DNAH5: variants seen among roughly 807,000 people sequenced by gnomAD.
DNAH5 encodes dynein axonemal heavy chain 5.
A neutral mutation model predicts 518.2 loss-of-function variants in DNAH5; 372 were observed. The observed-to-expected ratio is 0.72, with a 90% CI of 0.66 to 0.78. The LOEUF (loss-of-function observed/expected upper bound fraction) is 0.78, where lower values mean the gene tolerates loss of function less well. DNAH5 is among the 30% of genes least tolerant of loss of function. DNAH5 has a pLI of 0.00. For missense variants in DNAH5, 5,523 were observed against 5,687.0 expected (o/e 0.97, Z 0.93); for synonymous variants, 2,039 against 2,025.9 (o/e 1.01, Z -0.17).
intron 76 of DNAH5, among the ~76,000 whole-genome samples, chr5:13,702,367 G>T (rs993807177): frequency 6.6e-6 from 1 of 152,278 alleles, no homozygotes; most frequent in South Asian, 2.1e-4. Flanking sequence ...TGAATAAAAT[G>T]ATCATAATTT....
At chr5:13,888,243 C>T (rs1382417182) in intron 17 of DNAH5, among the ~76,000 whole-genome samples, 5 of 152,162 alleles carry the variant, frequency 3.3e-5, no homozygotes, top group Admixed American at 2.6e-4. Flanking sequence ...GAAACCAAGC[C>T]TACCCCTTTC....
intron 34 of DNAH5, among the ~76,000 whole-genome samples, chr5:13,840,027 C>T (rs925534942): frequency 6.6e-6 from 1 of 152,180 alleles, no homozygotes; most frequent in African/African-American, 2.4e-5. Context: ...AAATGACAGG[C>T]CATTGCCTGG....
intron 1 of DNAH5, among the ~76,000 whole-genome samples, chr5:14,010,075 A>G (rs1288368122): frequency 1.3e-5 from 2 of 152,296 alleles, no homozygotes; most frequent in East Asian, 3.9e-4. Flanking sequence ...AGATATTTAT[A>G]TACCGTTTTT....
At chr5:13,745,264 CA>C (rs1464241247) in intron 65 of DNAH5, among the ~76,000 whole-genome samples, 1 of 151,898 alleles carries the variant, frequency 6.6e-6, no homozygotes, top group African/African-American at 2.4e-5. Context: ...ACAACATGTT[CA>C]AAATGGTCTA....
At chr5:13,706,668 T>C (rs1228521433) in intron 76 of DNAH5, among the ~76,000 whole-genome samples, 1 of 152,202 alleles carries the variant, frequency 6.6e-6, no homozygotes, top group Non-Finnish European at 1.5e-5. Context: ...TGTCCTCTAC[T>C]AAAATACACT....
chr5:13,903,852 C>G (rs1444934242), intron 12 of DNAH5, among the ~76,000 whole-genome samples: 2 of 151,872 alleles, frequency 1.3e-5, no homozygotes, highest in African/African-American at 4.8e-5. Flanking sequence ...TAAAATAAAA[C>G]TAAAGGATAT....
intron 50 of DNAH5, among the ~76,000 whole-genome samples, chr5:13,791,581 T>C (rs999521597): frequency 2.1e-4 from 32 of 152,318 alleles, no homozygotes; most frequent in African/African-American, 6.5e-4. Flanking sequence ...ATTTTGAATA[T>C]TTATTATAAA....
At chr5:13,906,178 G>A (rs949705084) in intron 12 of DNAH5, among the ~76,000 whole-genome samples, 11 of 152,158 alleles carry the variant, frequency 7.2e-5, no homozygotes, top group East Asian at 1.9e-4. Flanking sequence ...TACCACGGTC[G>A]ATGCATATCC....
chr5:13,955,401 A>C (rs575823033), intron 1 of DNAH5, among the ~76,000 whole-genome samples: 15 of 152,208 alleles, frequency 9.9e-5, no homozygotes, highest in Non-Finnish European at 1.9e-4. Context: ...GTGAAAACAG[A>C]CTAATACACC....
chr5:13,998,240 C>T (rs976939746), intron 1 of DNAH5, among the ~76,000 whole-genome samples: 1 of 152,188 alleles, frequency 6.6e-6, no homozygotes, highest in Non-Finnish European at 1.5e-5. Context: ...TCCATGGCAC[C>T]TTGTTGCTGC....
At chr5:13,924,582 G>C (rs1019800746) in intron 3 of DNAH5, among the ~76,000 whole-genome samples, 16 of 151,816 alleles carry the variant, frequency 1.1e-4, no homozygotes, top group Admixed American at 8.5e-4. Context: ...GGCTGAGGCA[G>C]GAGAATCGCT....
At chr5:13,921,750 A>ACCG (rs146846325) in intron 5 of DNAH5, among the ~76,000 whole-genome samples, 3 of 134,276 alleles carry the variant, frequency 2.2e-5, no homozygotes, top group Non-Finnish European at 3.1e-5. Context: ...GCCCACACAC[A>ACCG]CCCCCCCACA....
intron 1 of DNAH5, among the ~76,000 whole-genome samples, chr5:14,009,520 C>T (rs1331517477): frequency 6.6e-6 from 1 of 152,178 alleles, no homozygotes; most frequent in Non-Finnish European, 1.5e-5. Context: ...AATATAACCA[C>T]AAAAATCCAT....
chr5:13,859,323 A>C (rs1390963033), intron 30 of DNAH5, 129 bp downstream of exon 30: 2 of 963,194 alleles, frequency 2.1e-6, no homozygotes, highest in Non-Finnish European at 3.2e-6. Context: ...CAGCATTAAC[A>C]GTGACAACAA....
At chr5:13,857,034 A>C (rs1767732819) in intron 30 of DNAH5, among the ~76,000 whole-genome samples, 1 of 152,236 alleles carries the variant, frequency 6.6e-6, no homozygotes, top group African/African-American at 2.4e-5. Context: ...AGAGAAAGAA[A>C]TAAAGGGTAT....
Position 13,901,538 on chromosome 5 carries a change from T to C in DNAH5, c.1766A>G (p.Tyr589Cys), listed in dbSNP as rs1216300808. ...CCCATAGTTCTCAAGGATAAGTTGA[T>C]ATTTGTCATCAATACCAAGATTAGG... is the stretch of plus-strand genomic sequence containing the variant. Reference protein sequence around the residue: ...NIPNLGIDDKYQLILENYGAD... With the variant: ...NIPNLGIDDKCQLILENYGAD... Residue 589 changes from tyrosine (Y) to cysteine (C), a missense_variant, in exon 14 of 79, where the codon TAT becomes TGT. Tyr to Cys is a radical substitution (Grantham distance 194, BLOSUM62 -2). Coordinates refer to ENST00000265104, the MANE Select transcript of DNAH5 (RefSeq NM_001369.3). 6.2e-7 allele frequency: 1 copy of C among 1,613,556 alleles called. No individual in the cohort carries two copies. The highest frequency in any genetic ancestry group is 8.5e-7 in the Non-Finnish European group (1 of 1,179,868).
chr5:13,883,222 T>C (rs1771927671), intron 19 of DNAH5, 128 bp from the exon 20 acceptor site: 2 of 1,041,006 alleles, frequency 1.9e-6, no homozygotes, highest in Non-Finnish European at 2.9e-6. Context: ...GTTGAATGAA[T>C]GAGTCAATTA....
intron 30 of DNAH5, among the ~76,000 whole-genome samples, chr5:13,851,300 G>A (rs1046303611): frequency 6.6e-6 from 1 of 152,076 alleles, no homozygotes. Flanking sequence ...GAGAGGGCAG[G>A]AATCATATAA....
chr5:13,725,338 T>C (rs545310114), intron 70 of DNAH5, among the ~76,000 whole-genome samples: 23 of 152,314 alleles, frequency 1.5e-4, no homozygotes, highest in African/African-American at 5.5e-4. Flanking sequence ...GGTCAGAGCA[T>C]GTGCATTCTA....
Sources: gnomAD v4.1 joint callset for allele counts (sites outside exome capture counted in the v4.1 genomes callset) on GRCh38, gnomAD v4.1.1 for gene constraint, MANE v1.5 for transcripts, NCBI Gene and HGNC (gene_info 2026-07-23, HGNC 2026-07-21) for gene names.